Variants in MPPED2 observed in about 807,000 individuals in gnomAD.
MPPED2 encodes the protein metallophosphoesterase MPPED2.
A neutral mutation model predicts 33.0 loss-of-function variants in MPPED2; 5 were observed. The ratio of observed to expected loss-of-function variants is 0.15; its 90% CI spans 0.08 to 0.32. MPPED2 has a LOEUF of 0.32. MPPED2 is among the 10% of genes least tolerant of loss of function. The probability of loss-of-function intolerance (pLI) is 1.00; values close to 1 mark genes in which losing one functional copy is unlikely to be tolerated. For missense variants in MPPED2, 275 were observed against 372.1 expected, an observed-to-expected ratio of 0.74 and a Z score of 2.15; for synonymous variants, 136 against 141.9, an observed-to-expected ratio of 0.96 and a Z score of 0.29.
At chr11:30,409,268 C>T (rs1948036324), downstream of MPPED2, among the ~76,000 whole-genome samples, 2 of 152,010 alleles carry the variant, frequency 1.3e-5, no homozygotes, top group South Asian at 4.1e-4. Context: ...CTCCAACCCC[C>T]TAGGATGGGG....
intron 4 of MPPED2, among the ~76,000 whole-genome samples, chr11:30,420,508 T>C (rs1371847783): frequency 1.3e-5 from 2 of 152,168 alleles, no homozygotes; most frequent in Non-Finnish European, 2.9e-5. Context: ...AGAGCAGAAA[T>C]AGAAAATTGG....
intron 4 of MPPED2, among the ~76,000 whole-genome samples, chr11:30,419,414 G>A (rs1178510755): frequency 6.6e-6 from 1 of 152,170 alleles, no homozygotes; most frequent in Non-Finnish European, 1.5e-5. Flanking sequence ...TCAAGCTTGA[G>A]TATCTTGTTG....
chr11:30,503,329 T>A (rs974891025), intron 3 of MPPED2, among the ~76,000 whole-genome samples: 1 of 152,090 alleles, frequency 6.6e-6, no homozygotes, highest in Admixed American at 6.6e-5. Context: ...CCTTTATAAA[T>A]TACCCAGTCT....
At chr11:30,472,594 A>G (rs1431213704) in intron 4 of MPPED2, among the ~76,000 whole-genome samples, 1 of 152,242 alleles carries the variant, frequency 6.6e-6, no homozygotes, top group Non-Finnish European at 1.5e-5. Context: ...CAAAGAAAGG[A>G]AATTCTAACA....
At chr11:30,475,349 T>A (rs1951136313) in intron 4 of MPPED2, among the ~76,000 whole-genome samples, 1 of 152,172 alleles carries the variant, frequency 6.6e-6, no homozygotes, top group Non-Finnish European at 1.5e-5. Flanking sequence ...TTATAAAATG[T>A]TGCAGATATA....
At chr11:30,475,435 C>T (rs1220846265) in intron 4 of MPPED2, among the ~76,000 whole-genome samples, 1 of 152,066 alleles carries the variant, frequency 6.6e-6, no homozygotes, top group Non-Finnish European at 1.5e-5. Flanking sequence ...ATTCCTCATA[C>T]CCTTTGCAGT....
intron 1 of MPPED2, among the ~76,000 whole-genome samples, chr11:30,583,754 T>C (rs1429390017): frequency 6.6e-6 from 1 of 152,156 alleles, no homozygotes; most frequent in African/African-American, 2.4e-5. Flanking sequence ...CAACAACTCA[T>C]GACCTCTCTA....
intron 3 of MPPED2, among the ~76,000 whole-genome samples, chr11:30,509,935 C>T (rs1019018779): frequency 7.2e-5 from 11 of 152,118 alleles, no homozygotes; most frequent in Non-Finnish European, 1.0e-4. Context: ...ACATAATCAC[C>T]GGGTCAGAGA....
intron 2 of MPPED2, among the ~76,000 whole-genome samples, chr11:30,553,066 C>T (rs1955792547): frequency 1.3e-5 from 2 of 152,140 alleles, no homozygotes; most frequent in South Asian, 2.1e-4. Context: ...ACACCTCCCA[C>T]CCACCTCTGC....
At chr11:30,446,777 C>G (rs1356658174) in intron 4 of MPPED2, among the ~76,000 whole-genome samples, 2 of 152,156 alleles carry the variant, frequency 1.3e-5, no homozygotes, top group Admixed American at 6.5e-5. Flanking sequence ...AAGCAAGCAG[C>G]CTAATTTGTT....
At chr11:30,580,529 CAA>C in intron 1 of MPPED2, 35 bp from the exon 2 acceptor site, 1 of 1,407,650 alleles carries the variant, frequency 7.1e-7, no homozygotes, top group Non-Finnish European at 9.3e-7. Context: ...AAAATGAGAA[CAA>C]AGAGAAAAAG....
intron 4 of MPPED2, 182 bp downstream of exon 4, chr11:30,495,114 T>C: frequency 1.7e-6 from 1 of 603,992 alleles, no homozygotes; most frequent in South Asian, 2.1e-5. Context: ...AAGGGATCTC[T>C]ATCACAATGA....
intron 2 of MPPED2, among the ~76,000 whole-genome samples, chr11:30,547,190 T>A (rs1955468452): frequency 6.6e-6 from 1 of 152,162 alleles, no homozygotes; most frequent in Non-Finnish European, 1.5e-5. Flanking sequence ...TTAAGCAACT[T>A]CAAACACTAA....
At chr11:30,522,994 G>C (rs1953958782) in intron 3 of MPPED2, among the ~76,000 whole-genome samples, 1 of 152,172 alleles carries the variant, frequency 6.6e-6, no homozygotes, top group Admixed American at 6.5e-5. Context: ...GATTACAGCA[G>C]TTACAAGCCC....
At chr11:30,428,323 A>C (rs531355878) in intron 4 of MPPED2, among the ~76,000 whole-genome samples, 15 of 152,346 alleles carry the variant, frequency 9.8e-5, no homozygotes, top group African/African-American at 3.1e-4. Context: ...TCTCACATTT[A>C]TCAGTTTACC....
intron 4 of MPPED2, among the ~76,000 whole-genome samples, chr11:30,423,424 G>A (rs1948700178): frequency 6.6e-6 from 1 of 152,188 alleles, no homozygotes; most frequent in Non-Finnish European, 1.5e-5. Context: ...GGAAGCCTTG[G>A]GGCAGCTGTG....
intron 3 of MPPED2, among the ~76,000 whole-genome samples, chr11:30,525,456 A>C (rs1209581379): frequency 2.6e-5 from 4 of 152,202 alleles, no homozygotes; most frequent in African/African-American, 4.8e-5. Context: ...AAAATTCCTA[A>C]AAGGTCACCC....
At chr11:30,570,382 T>C (rs1401484547) in intron 2 of MPPED2, among the ~76,000 whole-genome samples, 10 of 152,068 alleles carry the variant, frequency 6.6e-5, no homozygotes, top group Non-Finnish European at 1.5e-4. Flanking sequence ...TTTCAACATA[T>C]GCATTCTGGA....
At chr11:30,579,279 A>G (rs1022465158) in intron 2 of MPPED2, among the ~76,000 whole-genome samples, 10 of 152,100 alleles carry the variant, frequency 6.6e-5, no homozygotes, top group Admixed American at 2.6e-4. Context: ...TGACTTGGAC[A>G]TGCCCCGAGT....
Sources: gnomAD v4.1 joint callset for allele counts (sites outside exome capture counted in the v4.1 genomes callset) on GRCh38, gnomAD v4.1.1 for gene constraint, MANE v1.5 for transcripts, NCBI Gene and HGNC (gene_info 2026-07-23, HGNC 2026-07-21) for gene names.